Variants in AOPEP observed in about 807,000 individuals in gnomAD.
AOPEP encodes aminopeptidase O (putative).
In AOPEP, 77 loss-of-function variants were observed where a neutral mutation model predicts 98.1. The ratio of observed to expected loss-of-function variants is 0.78; its 90% confidence interval spans 0.65 to 0.95. The LOEUF is 0.95. Among genes scored for constraint, AOPEP ranks in the 40% least tolerant of loss-of-function variants. AOPEP has a pLI of 0.00. For missense variants in AOPEP, 1,024 were observed against 1,024.7 expected (o/e 1.00, Z 0.01); for synonymous variants, 346 against 365.3 (o/e 0.95, Z 0.60).
chr9:95,115,188 C>T, the AOPEP span, among the ~76,000 whole-genome samples: 1,582 of 152,268 alleles, frequency 0.01, 28 homozygotes, highest in African/African-American at 0.037. Flanking sequence ...GTGATCCTCC[C>T]GCCTTGGCCT....
At chr9:94,986,118 G>A (rs773673132) in intron 11 of AOPEP, among the ~76,000 whole-genome samples, 20 of 152,296 alleles carry the variant, frequency 1.3e-4, no homozygotes, top group Non-Finnish European at 2.5e-4. Flanking sequence ...GAGGCTGGAG[G>A]TCCAAGACCA....
chr9:95,085,541 GA>G (rs2070539900), intron 16 of AOPEP: 1 of 510,496 alleles, frequency 2.0e-6, no homozygotes, highest in Admixed American at 2.1e-5. Context: ...AAGAGAAGGT[GA>G]GATGGGGACA....
chr9:94,759,734 G>A lies in AOPEP; in HGVS notation c.-50G>A, dbSNP rs757521231. On this transcript the variant is annotated 5_prime_UTR_variant, in exon 2 of 17. Transcript: ENST00000375315. Reference sequence around the variant, plus strand: ...TGATTCTGGAAGATTAAGGCAGATAGGAAACCCCATCTGAGATTTTAATAA... The same window carrying A: ...TGATTCTGGAAGATTAAGGCAGATAAGAAACCCCATCTGAGATTTTAATAA... 2.1e-6 allele frequency: 3 copies of A among 1,437,712 alleles called. No homozygotes were observed. The East Asian group carries it at 6.9e-5, about 33-fold the overall frequency. 89.1% of individuals were successfully genotyped at this position (1,437,712 alleles called of 1,614,324 possible).
chr9:95,005,714 A>G, intron 13 of AOPEP, 98 bp downstream of exon 13: 1 of 960,748 alleles, frequency 1.0e-6, no homozygotes, highest in Non-Finnish European at 1.7e-6. Context: ...TTTAATTTAA[A>G]AAGTTTTTGT....
At chr9:94,880,649 C>T (rs1217712355) in intron 5 of AOPEP, among the ~76,000 whole-genome samples, 3 of 152,204 alleles carry the variant, frequency 2.0e-5, no homozygotes, top group African/African-American at 4.8e-5. Flanking sequence ...AGCCATCGCA[C>T]CTGGTCCCAT....
intron 3 of AOPEP, among the ~76,000 whole-genome samples, chr9:94,789,202 T>G (rs1198836215): frequency 6.6e-6 from 1 of 152,216 alleles, no homozygotes; most frequent in East Asian, 1.9e-4. Context: ...CCTTGTTGGT[T>G]CATGTCTTTA....
chr9:94,731,459 CCCGTGAT>C (rs2131677958), intron 1 of AOPEP, among the ~76,000 whole-genome samples: 1 of 152,238 alleles, frequency 6.6e-6, no homozygotes, highest in South Asian at 2.1e-4. Context: ...ATCTCCTGAC[CCCGTGAT>C]CCGCCTGCCT....
chr9:94,947,565 T>C (rs2057776950), intron 7 of AOPEP, among the ~76,000 whole-genome samples: 1 of 152,234 alleles, frequency 6.6e-6, no homozygotes, highest in African/African-American at 2.4e-5. Flanking sequence ...TTACATTCAG[T>C]ATAATACACC....
chr9:95,040,126 G>C (rs184600983), intron 13 of AOPEP, among the ~76,000 whole-genome samples: 1 of 152,330 alleles, frequency 6.6e-6, no homozygotes, highest in East Asian at 1.9e-4. Flanking sequence ...AGGTAGAGGA[G>C]AGAGGAGGCA....
chr9:94,927,914 A>G (rs914407570), intron 6 of AOPEP, among the ~76,000 whole-genome samples: 16 of 152,146 alleles, frequency 1.1e-4, no homozygotes, highest in Admixed American at 6.5e-5. Flanking sequence ...GCAGAGTGTG[A>G]TGGCCTCCCC....
At chr9:95,039,837 T>A (rs895086362) in intron 13 of AOPEP, among the ~76,000 whole-genome samples, 1 of 152,214 alleles carries the variant, frequency 6.6e-6, no homozygotes, top group African/African-American at 2.4e-5. Context: ...GAACAATGAT[T>A]TGTGATGGCA....
intron 11 of AOPEP, 55 bp from the exon 12 acceptor site, chr9:95,005,103 A>T: frequency 1.1e-6 from 1 of 899,306 alleles, no homozygotes; most frequent in Non-Finnish European, 1.4e-6. Flanking sequence ...GGCGCGGGGC[A>T]GGGAGGCCGG....
intron 5 of AOPEP, among the ~76,000 whole-genome samples, chr9:94,845,790 G>T (rs2042788595): frequency 1.3e-5 from 2 of 152,104 alleles, no homozygotes; most frequent in South Asian, 4.2e-4. Flanking sequence ...ATCAAGGTTG[G>T]TTTTAAATGT....
the AOPEP span, chr9:95,110,293 TG>T: frequency 9.9e-7 from 1 of 1,013,448 alleles, no homozygotes; most frequent in East Asian, 6.8e-5. Flanking sequence ...ACCTTTTGAC[TG>T]TGATGGAATT....
At chr9:94,792,990 C>G in intron 4 of AOPEP, 72 bp downstream of exon 4, 1 of 1,461,126 alleles carries the variant, frequency 6.8e-7, no homozygotes, top group Non-Finnish European at 9.3e-7. Context: ...TGCATTTCTT[C>G]CAAGCACTGG....
chr9:94,901,188 T>A (rs1252922859), intron 5 of AOPEP, among the ~76,000 whole-genome samples: 6 of 152,266 alleles, frequency 3.9e-5, no homozygotes, highest in African/African-American at 1.2e-4. Flanking sequence ...TAATCTTCTC[T>A]GACTCATGTG....
intron 13 of AOPEP, among the ~76,000 whole-genome samples, chr9:95,032,313 T>G (rs1383243580): frequency 6.6e-6 from 1 of 152,212 alleles, no homozygotes; most frequent in Non-Finnish European, 1.5e-5. Context: ...GGAGCTGTTC[T>G]GGGCCAGAAA....
intron 4 of AOPEP, among the ~76,000 whole-genome samples, chr9:94,798,640 TC>T (rs1329952456): frequency 1.3e-5 from 2 of 152,216 alleles, no homozygotes; most frequent in African/African-American, 4.8e-5. Context: ...CTCAGCTTTG[TC>T]CAGAAGATGC....
the AOPEP span, among the ~76,000 whole-genome samples, chr9:95,102,943 G>C: frequency 6.6e-6 from 1 of 152,226 alleles, no homozygotes. Context: ...AGCCAGCACG[G>C]GGGCTCCGGC....
Sources: allele counts gnomAD v4.1 joint callset (sites outside exome capture counted in the v4.1 genomes callset), GRCh38; gene constraint gnomAD v4.1.1; transcripts MANE v1.5; gene names NCBI Gene and HGNC (gene_info 2026-07-23, HGNC 2026-07-21).